TEX15: variants seen among roughly 807,000 people sequenced by gnomAD.
TEX15 encodes the protein testis expressed 15, meiosis and synapsis associated.
Under a neutral mutation model 237.3 loss-of-function variants are expected in TEX15, and 171 were observed. The observed-to-expected ratio is 0.72, with a 90% CI of 0.64 to 0.82. The LOEUF (loss-of-function observed/expected upper bound fraction) is 0.82. Ranked by LOEUF, TEX15 falls within the 40% of genes least tolerant of loss-of-function variation. The pLI is 0.00. For synonymous variants in TEX15, 1,338 were observed against 1,269.8 expected (o/e 1.05, Z -1.14); for missense variants, 3,750 against 3,646.5 (o/e 1.03, Z -0.73).
rs749812326 is a variant in TEX15, at chr8:30,838,054, C to T, written c.8230G>A (p.Gly2744Arg). ...TTGTTTTCGCTTTTGGGATGAGATC[C>T]TGTAGTCCTATTAGGTGCAACACAT... ...KATFKHPRTT[G>R]SHPKSENKIV... Residue 2744 changes from glycine to arginine, a missense_variant, in exon 10 of 11, where the codon GGA becomes AGA. Physicochemically the swap from Gly to Arg is moderately radical, Grantham distance 125. Coordinates refer to ENST00000643185, the MANE Select transcript of TEX15 (RefSeq NM_001350162.2). 2.5e-6 allele frequency: 4 copies of T among 1,608,250 alleles called. No individual in the cohort carries two copies. The highest frequency in any genetic ancestry group is 8.5e-7 in the Non-Finnish European group (1 of 1,178,228).
intron 3 of TEX15, 84 bp from the exon 4 acceptor site, chr8:30,875,186 C>G: frequency 4.4e-6 from 4 of 902,324 alleles, no homozygotes; most frequent in Non-Finnish European, 5.8e-6. Flanking sequence ...CTCTAAGACA[C>G]AAAATAACTA....
intron 9 of TEX15, among the ~76,000 whole-genome samples, chr8:30,838,611 C>A (rs1209659601): frequency 6.6e-6 from 1 of 151,114 alleles, no homozygotes. Context: ...TAAATTCAGA[C>A]AGTCTCAAGC....
intron 7 of TEX15, among the ~76,000 whole-genome samples, chr8:30,858,356 A>C (rs555767835): frequency 2.0e-5 from 3 of 149,430 alleles, no homozygotes; most frequent in Admixed American, 2.0e-4. Context: ...TCTGTCACCT[A>C]GGCTGGGCGC....
intron 3 of TEX15, among the ~76,000 whole-genome samples, chr8:30,877,804 T>C (rs1448876754): frequency 6.6e-6 from 1 of 152,208 alleles, no homozygotes; most frequent in Non-Finnish European, 1.5e-5. Flanking sequence ...ACAGACCTTA[T>C]TAAGACTTTA....
chr8:30,843,290 G>C lies in TEX15; in HGVS notation c.6877C>G (p.Gln2293Glu), dbSNP rs765511492. ...RTQSFSKKYS[Q>E]KKDEERLLRV... ...AGTAGCCTTTCTTCGTCCTTCTTTT[G>C]TGAGTATTTTTTGCTGAAGGATTGT... Residue 2293 changes from glutamine to glutamate, a missense_variant, in exon 8 of 11, where the codon CAA becomes GAA. Transcript: ENST00000643185. 5 of 1,609,380 alleles carry C rather than the reference G, an allele frequency of 3.1e-6. No individual in the cohort carries two copies. In the South Asian group the frequency reaches 5.5e-5, roughly 18 times the overall value.
intron 6 of TEX15, among the ~76,000 whole-genome samples, 198 bp from the exon 7 acceptor site, chr8:30,859,028 T>A (rs1670724401): frequency 6.6e-6 from 1 of 152,170 alleles, no homozygotes; most frequent in African/African-American, 2.4e-5. Context: ...TTTGATAGGC[T>A]ACTAATGTCT....
chr8:30,861,055 C>CA (rs530642191), intron 5 of TEX15, among the ~76,000 whole-genome samples: 251 of 147,780 alleles, frequency 1.7e-3, no homozygotes, highest in African/African-American at 5.5e-3. Flanking sequence ...CCAAAATGAA[C>CA]AAAAAAAAGA....
chr8:30,911,957 G>A (rs936104961), intron 1 of TEX15, among the ~76,000 whole-genome samples: 2 of 152,120 alleles, frequency 1.3e-5, no homozygotes, highest in Non-Finnish European at 1.5e-5. Context: ...TCACTGAGCC[G>A]AGCCAGGAAG....
intron 5 of TEX15, among the ~76,000 whole-genome samples, chr8:30,864,089 A>G (rs1054510872): frequency 2.9e-4 from 44 of 152,108 alleles, no homozygotes; most frequent in African/African-American, 1.1e-3. Flanking sequence ...ACAATGTATG[A>G]ACAAAATGGA....
chr8:30,846,262 CT>C lies in TEX15; in HGVS notation c.3904del (p.Arg1302GlyfsTer17), dbSNP rs1807604305. The C allele has an allele frequency of 6.2e-7, 1 of 1,613,266 alleles. No individual in the cohort carries two copies. Among genetic ancestry groups the C allele is most frequent in the Non-Finnish European group, 8.5e-7 (1 of 1,179,678 alleles). On this transcript the variant is annotated frameshift_variant, in exon 8 of 11. Transcript: ENST00000643185. LOFTEE classifies it high-confidence loss of function. ...ATCCCTGGAAGATATATGTAGCTTC[CT>C]TTTGCTAATTCTTGATTCTACCTCC... ...KKEVESRISK[R>X]KLHISSRDQN...
rs866335960 is a variant in TEX15 at position 30,838,809 on chromosome 8, T to C, written c.8223-748A>G. On this transcript the variant is annotated intron_variant, in intron 9 of 10. Transcript: ENST00000643185. ...ATATATATATATATATATATATATA[T>C]ATATATATATATGAATTTTTTTTTG... Among the ~76,000 whole-genome samples, 474 of 128,090 alleles carry C rather than the reference T, an allele frequency of 3.7e-3. 4 individuals are homozygous for C. The highest frequency in any genetic ancestry group is 0.012 in the Middle Eastern group (3 of 254). 84.0% of individuals were successfully genotyped at this position (128,090 alleles called of 152,430 possible).
In TEX15 at chr8:30,860,667, G is replaced by A. The variant is rs186721883; in HGVS notation, c.541-610C>T. 2.7e-5 allele frequency among the ~76,000 whole-genome samples: 4 copies of A among 149,170 alleles called. No homozygotes were observed. In the East Asian group the frequency reaches 8.1e-4, roughly 30 times the overall value. Reference sequence around the variant, plus strand: ...GCAGCCTCCGCCTCTTGGGCTCCACGATTCTCCTGCCTCAGTCTCCTGAAT... The same window carrying A: ...GCAGCCTCCGCCTCTTGGGCTCCACAATTCTCCTGCCTCAGTCTCCTGAAT... On this transcript the variant is annotated intron_variant, in intron 5 of 10. Transcript: ENST00000643185.
chr8:30,862,769 T>C (rs1808079358), intron 5 of TEX15, among the ~76,000 whole-genome samples: 1 of 152,192 alleles, frequency 6.6e-6, no homozygotes. Flanking sequence ...TTTTTTTCTT[T>C]TCTTCCCCAC....
chr8:30,881,828 G>T (rs1160710899), intron 3 of TEX15, among the ~76,000 whole-genome samples: 1 of 151,776 alleles, frequency 6.6e-6, no homozygotes, highest in Non-Finnish European at 1.5e-5. Context: ...TCACTGTGTT[G>T]CCCAGGCTAG....
intron 6 of TEX15, among the ~76,000 whole-genome samples, chr8:30,859,293 A>G (rs958019970): frequency 6.6e-6 from 1 of 152,088 alleles, no homozygotes; most frequent in Admixed American, 6.5e-5. Flanking sequence ...CCACAGAATA[A>G]GTGAAATATG....
intron 2 of TEX15, chr8:30,887,877 A>G (rs954000434): frequency 7.4e-5 from 10 of 134,322 alleles, no homozygotes; most frequent in Non-Finnish European, 1.4e-4. Flanking sequence ...TATATATTTC[A>G]CATATATATT....
In TEX15 at chr8:30,845,701, C is replaced by T; in HGVS notation, c.4466G>A (p.Arg1489Lys). 6.2e-7 allele frequency: 1 copy of T among 1,613,506 alleles called. No homozygotes were observed. The highest frequency in any genetic ancestry group is 2.2e-5 in the East Asian group (1 of 44,870). Residue 1489 changes from arginine to lysine, a missense_variant, in exon 8 of 11, where the codon AGG becomes AAG. By Grantham distance (26) the Arg-to-Lys change is conservative. Transcript: ENST00000643185. ...TGAGACACTGCTAGCCATACTTTTCCTAGAAAGGCATTTTTTCTCTCCACT... is the reference window on the plus strand; with the variant it reads ...TGAGACACTGCTAGCCATACTTTTCTTAGAAAGGCATTTTTTCTCTCCACT... ...KTSGEKKCLS[R>K]KSMASSVSKS...
intron 4 of TEX15, among the ~76,000 whole-genome samples, chr8:30,874,042 G>A (rs1285665944): frequency 2.0e-5 from 3 of 152,102 alleles, no homozygotes; most frequent in African/African-American, 7.2e-5. Context: ...TGATCAAAGT[G>A]TTTTTCAACT....
At chr8:30,836,659 C>A in intron 10 of TEX15, 144 bp downstream of exon 10, 1 of 746,692 alleles carries the variant, frequency 1.3e-6, no homozygotes, top group Non-Finnish European at 2.1e-6. Context: ...TCTGCCCAAT[C>A]CATTGGCAAT....
Sources: allele counts gnomAD v4.1 joint callset (sites outside exome capture counted in the v4.1 genomes callset), GRCh38; gene constraint gnomAD v4.1.1; transcripts MANE v1.5; gene names NCBI Gene and HGNC (gene_info 2026-07-23, HGNC 2026-07-21).